KIF6: variants seen among roughly 807,000 people sequenced by gnomAD.
The protein encoded by KIF6 is kinesin family member 6, also known as kinesin-like protein KIF6.
KIF6 carries 106 observed loss-of-function variants against 112.7 expected under a neutral mutation model. The observed-to-expected ratio is 0.94, with a 90% CI of 0.80 to 1.11. KIF6 has a LOEUF of 1.11. Among genes scored for constraint, KIF6 ranks in the 50% least tolerant of loss-of-function variants. The pLI is 0.00. For missense variants in KIF6, 929 were observed against 964.0 expected (o/e 0.96, Z 0.48); for synonymous variants, 339 against 339.9 (o/e 1.00, Z 0.03).
At chr6:39,575,752 C>T (rs1013571477) in intron 10 of KIF6, among the ~76,000 whole-genome samples, 13 of 152,320 alleles carry the variant, frequency 8.5e-5, no homozygotes, top group Non-Finnish European at 1.5e-4. Flanking sequence ...ACTACAACAG[C>T]TCTACCAAAT....
intron 1 of KIF6, among the ~76,000 whole-genome samples, chr6:39,724,023 C>T (rs934105980): frequency 6.6e-5 from 10 of 152,278 alleles, no homozygotes; most frequent in African/African-American, 2.4e-4. Flanking sequence ...GAAAATGACA[C>T]CAACCTTGCA....
intron 6 of KIF6, among the ~76,000 whole-genome samples, 184 bp downstream of exon 6, chr6:39,613,004 CT>C (rs1443989465): frequency 6.6e-6 from 1 of 152,100 alleles, no homozygotes; most frequent in Non-Finnish European, 1.5e-5. Context: ...GCTGGGTGAC[CT>C]TGGGAAAGTC....
intron 3 of KIF6, among the ~76,000 whole-genome samples, chr6:39,677,029 T>A (rs1181353293): frequency 6.6e-6 from 1 of 152,102 alleles, no homozygotes; most frequent in African/African-American, 2.4e-5. Flanking sequence ...TATATATTTT[T>A]ATATATCCCA....
chr6:39,410,273 C>T (rs1356408593), intron 15 of KIF6, among the ~76,000 whole-genome samples: 11 of 152,196 alleles, frequency 7.2e-5, no homozygotes, highest in Non-Finnish European at 1.6e-4. Context: ...TACATTACTA[C>T]TACGATGAGA....
intron 13 of KIF6, among the ~76,000 whole-genome samples, chr6:39,438,521 TA>T (rs1007648642): frequency 1.7e-4 from 25 of 151,372 alleles, no homozygotes; most frequent in African/African-American, 4.6e-4. Flanking sequence ...TCTAAAAGCT[TA>T]AAAAAAATGA....
intron 13 of KIF6, among the ~76,000 whole-genome samples, chr6:39,478,113 G>A (rs1288988014): frequency 4.6e-5 from 7 of 152,072 alleles, no homozygotes; most frequent in African/African-American, 1.7e-4. Context: ...GTTCTCCAGT[G>A]GTAATTTGTG....
intron 22 of KIF6, among the ~76,000 whole-genome samples, chr6:39,338,930 C>T (rs1763169173): frequency 8.8e-6 from 1 of 113,640 alleles, no homozygotes; most frequent in South Asian, 3.2e-4. Flanking sequence ...CACACACTTG[C>T]ATGCAGTAAT....
chr6:39,351,261 G>A (rs1185690844), intron 19 of KIF6, among the ~76,000 whole-genome samples: 2 of 138,094 alleles, frequency 1.4e-5, no homozygotes, highest in Non-Finnish European at 3.0e-5. Flanking sequence ...ACAGGGTCTC[G>A]CTCTGTCACC....
At chr6:39,641,653 A>G (rs1010008689) in intron 3 of KIF6, among the ~76,000 whole-genome samples, 2 of 152,060 alleles carry the variant, frequency 1.3e-5, no homozygotes, top group African/African-American at 4.8e-5. Context: ...TATATATAAA[A>G]AAAAGCCACT....
chr6:39,621,981 C>A (rs1208071590), intron 5 of KIF6, among the ~76,000 whole-genome samples: 3 of 152,002 alleles, frequency 2.0e-5, no homozygotes, highest in African/African-American at 4.8e-5. Context: ...GCCTGGCCAA[C>A]ATGGTGAAAC....
chr6:39,628,527 C>T (rs1395250455), intron 5 of KIF6, among the ~76,000 whole-genome samples: 1 of 152,092 alleles, frequency 6.6e-6, no homozygotes, highest in Non-Finnish European at 1.5e-5. Flanking sequence ...CCCCTGCCTT[C>T]CCTAACTCTG....
intron 19 of KIF6, among the ~76,000 whole-genome samples, chr6:39,350,173 G>T (rs965414602): frequency 6.6e-6 from 1 of 152,124 alleles, no homozygotes; most frequent in Non-Finnish European, 1.5e-5. Flanking sequence ...AAAATCAGAC[G>T]GTGTGGACAC....
At chr6:39,387,265 C>T (rs556114709) in intron 15 of KIF6, among the ~76,000 whole-genome samples, 2 of 152,284 alleles carry the variant, frequency 1.3e-5, no homozygotes, top group East Asian at 3.9e-4. Flanking sequence ...TGGATCAGCA[C>T]AGAAAAAGAT....
chr6:39,632,162 G>T (rs560121916), intron 5 of KIF6, among the ~76,000 whole-genome samples: 7 of 143,914 alleles, frequency 4.9e-5, no homozygotes, highest in Middle Eastern at 3.4e-3. Context: ...CAGGCAAGTG[G>T]TACATCTTAT....
intron 19 of KIF6, among the ~76,000 whole-genome samples, chr6:39,351,759 C>G (rs2894424): frequency 0.53 from 81,089 of 152,072 alleles, 24,335 homozygotes; most frequent in African/African-American, 0.83. Context: ...AAAGAGGGTA[C>G]AGAAATAGCC....
chr6:39,365,055 G>A (rs1270065070), intron 16 of KIF6, among the ~76,000 whole-genome samples: 1 of 152,152 alleles, frequency 6.6e-6, no homozygotes, highest in African/African-American at 2.4e-5. Context: ...TTTATTGGCA[G>A]CCTAGTCTGC....
rs575310171 is a variant in KIF6 at position 39,682,303 on chromosome 6, C to G, written c.251+32389G>C. Reference sequence around the variant, plus strand: ...CTAGATGGTTTAGCCTACGACACACCCAGGCTATATTGGCATAGACTGTTG... The same window carrying G: ...CTAGATGGTTTAGCCTACGACACACGCAGGCTATATTGGCATAGACTGTTG... On this transcript the variant is annotated intron_variant, in intron 3 of 22. Transcript: ENST00000287152. 8.5e-5 allele frequency among the ~76,000 whole-genome samples: 13 copies of G among 152,240 alleles called. No homozygotes were observed. In the East Asian group the frequency reaches 2.5e-3, roughly 29 times the overall value.
intron 3 of KIF6, among the ~76,000 whole-genome samples, chr6:39,706,268 TAAG>T (rs796367280): frequency 7.2e-5 from 11 of 152,342 alleles, no homozygotes; most frequent in African/African-American, 2.6e-4. Context: ...CAATTATTCT[TAAG>T]AAGAGAAACC....
At chr6:39,549,591 T>C (rs1779259542) in intron 10 of KIF6, among the ~76,000 whole-genome samples, 2 of 152,176 alleles carry the variant, frequency 1.3e-5, no homozygotes, top group African/African-American at 2.4e-5. Context: ...GTGATGTATT[T>C]CTAAAAGGGA....
Sources: gnomAD v4.1 joint callset for allele counts (sites outside exome capture counted in the v4.1 genomes callset) on GRCh38, gnomAD v4.1.1 for gene constraint, MANE v1.5 for transcripts, NCBI Gene and HGNC (gene_info 2026-07-23, HGNC 2026-07-21) for gene names.